Variants in ARHGAP44 observed in about 807,000 individuals in gnomAD.
ARHGAP44 encodes Rho GTPase activating protein 44.
ARHGAP44 carries 43 observed loss-of-function variants against 106.8 expected under a neutral mutation model. The ratio of observed to expected loss-of-function variants is 0.40; its 90% CI spans 0.32 to 0.52. The LOEUF is 0.52. Ranked by LOEUF, ARHGAP44 falls within the 20% of genes least tolerant of loss-of-function variation. The probability of loss-of-function intolerance (pLI) is 0.48; values close to 1 mark genes in which losing one functional copy is unlikely to be tolerated. For missense variants in ARHGAP44, 866 were observed against 1,050.5 expected (o/e 0.82, Z 2.43); for synonymous variants, 439 against 410.3 (o/e 1.07, Z -0.85).
At position 12,789,627 on chromosome 17, in the gene ARHGAP44, G is replaced by A. The variant is rs2150744348; in HGVS notation, c.-212G>A. The A allele has an allele frequency of 5.9e-6, 2 of 337,348 alleles. No homozygotes were observed. Among genetic ancestry groups the A allele is most frequent in the East Asian group, 9.4e-5 (2 of 21,170 alleles). The allele number at this position is 337,348 out of a possible 1,614,324, so 20.9% of individuals were successfully genotyped here. ...GCCCCGGGCATTGCGCGGCGCGCGTGAGGGGGATGCGGCAGGAGGCGGCGC... is the reference window on the plus strand; with the variant it reads ...GCCCCGGGCATTGCGCGGCGCGCGTAAGGGGGATGCGGCAGGAGGCGGCGC... On this transcript the variant is annotated 5_prime_UTR_variant, in exon 1 of 21. Transcript: ENST00000379672.
intron 1 of ARHGAP44, among the ~76,000 whole-genome samples, chr17:12,797,021 T>C (rs1449707447): frequency 6.6e-6 from 1 of 152,178 alleles, no homozygotes; most frequent in Non-Finnish European, 1.5e-5. Flanking sequence ...TTATTGATGT[T>C]AAGGTAATTT....
chr17:12,879,683 G>GTGTATATTTA (rs1555550538), intron 1 of ARHGAP44, among the ~76,000 whole-genome samples: 2 of 113,334 alleles, frequency 1.8e-5, no homozygotes, highest in African/African-American at 5.3e-5. Context: ...GTGTGTATGT[G>GTGTATATTTA]TATATATATA....
chr17:12,961,922 C>T (rs2039272323), intron 16 of ARHGAP44, among the ~76,000 whole-genome samples: 1 of 152,008 alleles, frequency 6.6e-6, no homozygotes, highest in African/African-American at 2.4e-5. Context: ...TCTTGAGTCC[C>T]TATGTTATCT....
At chr17:12,908,159 C>T (rs2150938746) in intron 3 of ARHGAP44, among the ~76,000 whole-genome samples, 1 of 141,164 alleles carries the variant, frequency 7.1e-6, no homozygotes, top group South Asian at 2.4e-4. Flanking sequence ...GAACACTTTT[C>T]TGTCTCTTTT....
intron 1 of ARHGAP44, among the ~76,000 whole-genome samples, chr17:12,889,753 T>A (rs9915290): frequency 0.2 from 30,062 of 152,080 alleles, 3,728 homozygotes; most frequent in East Asian, 0.44. Context: ...GGTACAATTC[T>A]TCCTGAGGCA....
chr17:12,878,808 G>T (rs2036633148), intron 1 of ARHGAP44, among the ~76,000 whole-genome samples: 1 of 152,138 alleles, frequency 6.6e-6, no homozygotes, highest in South Asian at 2.1e-4. Flanking sequence ...AGTAAAACCT[G>T]TTCTAGAATT....
intron 1 of ARHGAP44, among the ~76,000 whole-genome samples, chr17:12,815,211 G>C (rs1253728018): frequency 6.6e-6 from 1 of 152,132 alleles, no homozygotes; most frequent in Non-Finnish European, 1.5e-5. Context: ...AAATAGAAGA[G>C]GGAGGAGAAG....
intron 18 of ARHGAP44, among the ~76,000 whole-genome samples, chr17:12,974,603 C>T (rs2039626850): frequency 6.6e-6 from 1 of 152,116 alleles, no homozygotes; most frequent in Non-Finnish European, 1.5e-5. Context: ...TTTCCCCTTC[C>T]TCTGTCTTTG....
Position 12,919,277 on chromosome 17 carries a change from A to C in ARHGAP44, c.388-478A>C, listed in dbSNP as rs1421181592. Among the ~76,000 whole-genome samples, 3 of 152,242 alleles carry C rather than the reference A, an allele frequency of 2.0e-5. No homozygotes were observed. The East Asian group carries it at 5.8e-4, about 29-fold the overall frequency. On this transcript the variant is annotated intron_variant, in intron 5 of 20. Coordinates refer to ENST00000379672, the MANE Select transcript of ARHGAP44 (RefSeq NM_014859.6). Reference sequence around the variant, plus strand: ...GAAATATATACAATTCCTATTAGTTAGACCTCAGTAACACAAAAGGGAAAA... The same window carrying C: ...GAAATATATACAATTCCTATTAGTTCGACCTCAGTAACACAAAAGGGAAAA...
At chr17:12,923,244 C>T (rs2038137331) in intron 6 of ARHGAP44, among the ~76,000 whole-genome samples, 1 of 151,446 alleles carries the variant, frequency 6.6e-6, no homozygotes, top group Non-Finnish European at 1.5e-5. Flanking sequence ...GAGTTTTGCT[C>T]TTGTTGCCCA....
At chr17:12,950,535 C>G (rs2038968312) in intron 12 of ARHGAP44, among the ~76,000 whole-genome samples, 1 of 152,174 alleles carries the variant, frequency 6.6e-6, no homozygotes, top group South Asian at 2.1e-4. Flanking sequence ...GGCTTATTTC[C>G]TCGGTTATGC....
chr17:12,823,726 A>C (rs907693425), intron 1 of ARHGAP44, among the ~76,000 whole-genome samples: 86 of 152,142 alleles, frequency 5.7e-4, no homozygotes, highest in Non-Finnish European at 2.9e-4. Context: ...AGATCTCTTG[A>C]TACTTCTCCT....
intron 20 of ARHGAP44, among the ~76,000 whole-genome samples, chr17:12,989,646 C>A (rs1004779622): frequency 6.6e-6 from 1 of 152,142 alleles, no homozygotes; most frequent in African/African-American, 2.4e-5. Flanking sequence ...CACTGTCTCA[C>A]GTCCTGTCCC....
At chr17:12,910,208 T>A (rs1423071262) in intron 4 of ARHGAP44, among the ~76,000 whole-genome samples, 1 of 150,186 alleles carries the variant, frequency 6.7e-6, no homozygotes, top group East Asian at 1.9e-4. Context: ...AGAAGAAAGA[T>A]GAGAAGTACA....
intron 18 of ARHGAP44, among the ~76,000 whole-genome samples, chr17:12,976,542 G>C (rs899349096): frequency 6.6e-6 from 1 of 151,344 alleles, no homozygotes; most frequent in Non-Finnish European, 1.5e-5. Context: ...GAACCCAGGA[G>C]GCGGAGGTTG....
At chr17:12,879,779 C>T (rs1469100966) in intron 1 of ARHGAP44, among the ~76,000 whole-genome samples, 1 of 151,176 alleles carries the variant, frequency 6.6e-6, no homozygotes, top group Admixed American at 6.6e-5. Context: ...CACTCATCCC[C>T]CATGCAATTG....
chr17:12,925,541 C>A (rs1223256729), intron 6 of ARHGAP44, among the ~76,000 whole-genome samples: 1 of 152,108 alleles, frequency 6.6e-6, no homozygotes, highest in East Asian at 1.9e-4. Flanking sequence ...CTGCATTTGC[C>A]TTCTTTACAT....
intron 2 of ARHGAP44, 28 bp from the exon 3 acceptor site, chr17:12,896,379 G>A: frequency 6.4e-7 from 1 of 1,562,388 alleles, no homozygotes; most frequent in Non-Finnish European, 8.7e-7. Context: ...CCCTCTCTCA[G>A]TGGCACCACC....
chr17:12,821,795 G>A (rs2150797390), intron 1 of ARHGAP44, among the ~76,000 whole-genome samples: 1 of 152,092 alleles, frequency 6.6e-6, no homozygotes, highest in South Asian at 2.1e-4. Flanking sequence ...CTTTCACAAT[G>A]TTGCTTATTA....
Sources: gnomAD v4.1 joint callset for allele counts (sites outside exome capture counted in the v4.1 genomes callset) on GRCh38, gnomAD v4.1.1 for gene constraint, MANE v1.5 for transcripts, NCBI Gene and HGNC (gene_info 2026-07-23, HGNC 2026-07-21) for gene names.